The following PACS1 variants were observed in gnomAD, a reference collection of about 807,000 sequenced individuals.
PACS1 encodes PACS-1.
A neutral mutation model predicts 115.0 loss-of-function variants in PACS1; 24 were observed. The ratio of observed to expected loss-of-function variants is 0.21; its 90% CI spans 0.15 to 0.29. PACS1 has a LOEUF of 0.29. PACS1 is among the 10% of genes least tolerant of loss of function. The probability of loss-of-function intolerance (pLI) is 1.00; values close to 1 mark genes in which losing one functional copy is unlikely to be tolerated. For synonymous variants in PACS1, 453 were observed against 504.5 expected, an observed-to-expected ratio of 0.90 and a Z score of 1.37; for missense variants, 838 against 1,251.2, an observed-to-expected ratio of 0.67 and a Z score of 4.98.
chr11:66,118,579 T>C (rs1858361781), intron 1 of PACS1, among the ~76,000 whole-genome samples: 1 of 152,002 alleles, frequency 6.6e-6, no homozygotes, highest in Non-Finnish European at 1.5e-5. Context: ...GCCACTGTAC[T>C]CCAGCCTGAG....
intron 1 of PACS1, among the ~76,000 whole-genome samples, chr11:66,133,752 A>G (rs1858759184): frequency 6.6e-6 from 1 of 152,090 alleles, no homozygotes; most frequent in African/African-American, 2.4e-5. Context: ...CGATCCTCCT[A>G]TCTCAACCCC....
At chr11:66,208,231 G>A (rs888876895) in intron 2 of PACS1, among the ~76,000 whole-genome samples, 2 of 152,144 alleles carry the variant, frequency 1.3e-5, no homozygotes, top group South Asian at 2.1e-4. Flanking sequence ...GGTCAGCACC[G>A]CGGCATAGTA....
intron 1 of PACS1, among the ~76,000 whole-genome samples, chr11:66,113,881 GT>G (rs1450078304): frequency 6.6e-6 from 1 of 152,030 alleles, no homozygotes; most frequent in African/African-American, 2.4e-5. Context: ...TATTTTGCAA[GT>G]GATATATGAC....
chr11:66,198,957 C>T (rs1348692427), intron 2 of PACS1, among the ~76,000 whole-genome samples: 1 of 152,078 alleles, frequency 6.6e-6, no homozygotes, highest in Non-Finnish European at 1.5e-5. Context: ...GATAGATAAA[C>T]CTACATAAAC....
intron 1 of PACS1, among the ~76,000 whole-genome samples, chr11:66,166,802 G>A (rs955678933): frequency 6.7e-6 from 1 of 150,266 alleles, no homozygotes; most frequent in Non-Finnish European, 1.5e-5. Context: ...AATGGGCCAG[G>A]CAGTGTTCTC....
chr11:66,090,133 G>T (rs1439609124), intron 1 of PACS1, among the ~76,000 whole-genome samples: 2 of 151,740 alleles, frequency 1.3e-5, no homozygotes, highest in African/African-American at 4.8e-5. Flanking sequence ...CATCCAGTTT[G>T]GGGTTCTTTG....
intron 1 of PACS1, among the ~76,000 whole-genome samples, chr11:66,096,209 C>CTTTTTTTT (rs66569530): frequency 1.6e-4 from 19 of 119,510 alleles, no homozygotes; most frequent in South Asian, 5.0e-4. Context: ...CTTTTTCTTT[C>CTTTTTTTT]TTTTTTTTTT....
intron 1 of PACS1, among the ~76,000 whole-genome samples, chr11:66,123,843 C>CT (rs112896728): frequency 0.032 from 4,611 of 146,070 alleles, 178 homozygotes; most frequent in African/African-American, 0.084. Flanking sequence ...AAAGTATATA[C>CT]TTTTTTTTTT....
intron 2 of PACS1, among the ~76,000 whole-genome samples, chr11:66,202,676 G>A (rs1854828535): frequency 7.1e-6 from 1 of 140,024 alleles, no homozygotes; most frequent in South Asian, 2.2e-4. Context: ...ATCGCTTGAG[G>A]CCAAGAATTT....
At chr11:66,201,179 A>T (rs1854784425) in intron 2 of PACS1, among the ~76,000 whole-genome samples, 1 of 152,194 alleles carries the variant, frequency 6.6e-6, no homozygotes, top group Admixed American at 6.5e-5. Context: ...AGATTGCGCC[A>T]CTGCACTCCA....
chr11:66,230,649 C>A lies in PACS1; in HGVS notation c.1476C>A (p.Gly492=). The A allele has an allele frequency of 6.2e-7, 1 of 1,613,284 alleles. No individual in the cohort carries two copies. The highest frequency in any genetic ancestry group is 1.3e-5 in the African/African-American group (1 of 75,034). The part of the protein sequence containing the change: ...PMKSSKTDLQ[G]SASPSKVEGV... ...AGTCCAGTAAAACGGATCTCCAGGG[C>A]TCTGCCTCCCCCAGGTACTGCAGAT... The change falls in exon 12 of 24, where the codon GGC becomes GGA. Residue 492 remains glycine (G), a synonymous_variant. Coordinates refer to ENST00000320580, the MANE Select transcript of PACS1 (RefSeq NM_018026.4).
intron 2 of PACS1, among the ~76,000 whole-genome samples, chr11:66,208,609 G>T (rs2134696166): frequency 6.9e-6 from 1 of 144,594 alleles, no homozygotes; most frequent in Admixed American, 7.1e-5. Flanking sequence ...GAGCTCAGAA[G>T]TTAAAGACCA....
At chr11:66,140,955 T>A (rs932994963) in intron 1 of PACS1, among the ~76,000 whole-genome samples, 3 of 152,186 alleles carry the variant, frequency 2.0e-5, no homozygotes, top group Admixed American at 2.0e-4. Context: ...TGTATGGATC[T>A]ACCATACATA....
intron 1 of PACS1, among the ~76,000 whole-genome samples, chr11:66,089,764 T>G (rs540249718): frequency 3.9e-5 from 6 of 151,984 alleles, no homozygotes; most frequent in African/African-American, 1.5e-4. Flanking sequence ...TCCAGCACTT[T>G]AGGATGCCAA....
At chr11:66,220,592 G>A (rs201762153) in intron 8 of PACS1, 39 bp from the exon 9 acceptor site, 12 of 1,612,090 alleles carry the variant, frequency 7.4e-6, no homozygotes, top group African/African-American at 1.3e-5. Context: ...ATTGTTAATA[G>A]GGATGACCCT....
intron 1 of PACS1, among the ~76,000 whole-genome samples, chr11:66,182,467 T>C (rs1860032219): frequency 6.6e-6 from 1 of 151,946 alleles, no homozygotes; most frequent in Non-Finnish European, 1.5e-5. Context: ...TTAGTTGCTT[T>C]GCTTTTTTTT....
chr11:66,216,881 G>T (rs1855225652), intron 7 of PACS1, 106 bp downstream of exon 7: 2 of 602,668 alleles, frequency 3.3e-6, no homozygotes, highest in Middle Eastern at 3.5e-4. Flanking sequence ...ATCAACACAG[G>T]GTCATCCCTT....
intron 8 of PACS1, 68 bp from the exon 9 acceptor site, chr11:66,220,563 G>A: frequency 6.6e-7 from 1 of 1,507,426 alleles, no homozygotes; most frequent in Non-Finnish European, 9.2e-7. Context: ...CAGGAGAAAG[G>A]AGCTGCTCAT....
At position 66,232,178 on chromosome 11, in the gene PACS1, A is replaced by G; in HGVS notation, c.1633A>G (p.Arg545Gly). 6.2e-7 allele frequency: 1 copy of G among 1,610,240 alleles called. No individual in the cohort carries two copies. Among genetic ancestry groups the G allele is most frequent in the Non-Finnish European group, 8.5e-7 (1 of 1,176,508 alleles). Residue 545 changes from arginine (R) to glycine (G), a missense_variant, in exon 14 of 24, where the codon AGA becomes GGA. Arg to Gly is a moderately radical substitution (Grantham distance 125). Around this residue, in one of 6 missense-constraint regions of PACS1, gnomAD observed 383 missense variants for 537.0 expected, o/e 0.71. Coordinates refer to ENST00000320580, the MANE Select transcript of PACS1 (RefSeq NM_018026.4). ...PDLGHSTQIP[R>G]KVVYDQLNQI... The stretch of plus-strand genomic sequence containing the variant: ...CTTTCTTTTGTTCCTGCAGATTCCA[A>G]GAAAGGTGGTGTATGACCAGCTCAA...
Sources: allele counts gnomAD v4.1 joint callset (sites outside exome capture counted in the v4.1 genomes callset), GRCh38; gene constraint gnomAD v4.1.1; regional missense constraint gnomAD v4.1.1; transcripts MANE v1.5; gene names NCBI Gene and HGNC (gene_info 2026-07-23, HGNC 2026-07-21).